NIBAN1: variants seen among roughly 807,000 people sequenced by gnomAD.
NIBAN1 encodes the protein niban apoptosis regulator 1, also known as protein Niban 1.
In NIBAN1, 81 loss-of-function variants were observed where a neutral mutation model predicts 75.1. The ratio of observed to expected loss-of-function variants is 1.08; its 90% confidence interval spans 0.90 to 1.30. NIBAN1 has a LOEUF of 1.30. Ranked by LOEUF, NIBAN1 falls within the 50% of genes most tolerant of loss-of-function variation. NIBAN1 has a pLI of 0.00. For synonymous variants in NIBAN1, 436 were observed against 424.8 expected (o/e 1.03, Z -0.32); for missense variants, 1,133 against 1,128.1 (o/e 1.00, Z -0.06).
intron 5 of NIBAN1, chr1:184,868,061 G>A: frequency 1.0e-6 from 1 of 985,422 alleles, no homozygotes; most frequent in Non-Finnish European, 1.2e-6. Flanking sequence ...CACCAGAAAG[G>A]AACTTGGCAG....
intron 5 of NIBAN1, 46 bp downstream of exon 5, chr1:184,884,587 C>T: frequency 1.2e-6 from 2 of 1,606,856 alleles, no homozygotes; most frequent in Non-Finnish European, 1.7e-6. Flanking sequence ...TCAGCGAGGG[C>T]TGCCCCACTT....
chr1:184,852,701 T>C (rs1350389302), intron 5 of NIBAN1, among the ~76,000 whole-genome samples: 2 of 152,226 alleles, frequency 1.3e-5, no homozygotes, highest in Non-Finnish European at 2.9e-5. Flanking sequence ...CTTTCCATGA[T>C]AGTAGTTCAA....
At chr1:184,897,458 C>T (rs990727209) in intron 2 of NIBAN1, among the ~76,000 whole-genome samples, 2 of 152,050 alleles carry the variant, frequency 1.3e-5, no homozygotes, top group Non-Finnish European at 2.9e-5. Flanking sequence ...TTTGCTGGAT[C>T]CTTCTCCTTT....
At position 184,890,168 on chromosome 1, in the gene NIBAN1, C is replaced by A; in HGVS notation, c.373G>T (p.Val125Leu). 2 of 1,613,960 alleles carry A rather than the reference C, an allele frequency of 1.2e-6. No homozygotes were observed. The highest frequency in any genetic ancestry group is 1.7e-6 in the Non-Finnish European group (2 of 1,179,894). Reference protein sequence around the residue: ...KCRILPAGGKVLTSEDEYNLL... With the variant: ...KCRILPAGGKLLTSEDEYNLL... ...TTATATTCATCTTCTGAGGTTAACA[C>A]CTTGCCACCGGCTGGAAGAATTCGA... The change falls in exon 4 of 14, where the codon GTG becomes TTG. Residue 125 changes from valine (V) to leucine (L), a missense_variant. Val to Leu is a conservative substitution (Grantham distance 32). Coordinates refer to ENST00000367511, the MANE Select transcript of NIBAN1 (RefSeq NM_052966.4).
intron 5 of NIBAN1, among the ~76,000 whole-genome samples, chr1:184,873,515 T>G (rs2102290984): frequency 6.6e-6 from 1 of 152,330 alleles, no homozygotes; most frequent in East Asian, 1.9e-4. Flanking sequence ...AGAATATTCT[T>G]ATCACCAGAG....
chr1:184,828,811 T>C (rs1479372200), intron 6 of NIBAN1, among the ~76,000 whole-genome samples: 1 of 19,586 alleles, frequency 5.1e-5, no homozygotes, highest in Non-Finnish European at 2.1e-4. Context: ...GCAAAACCAT[T>C]TTTTTTTTTT....
At chr1:184,827,960 G>GTTT (rs1047727839) in intron 6 of NIBAN1, among the ~76,000 whole-genome samples, 1 of 137,450 alleles carries the variant, frequency 7.3e-6, no homozygotes, top group African/African-American at 2.7e-5. Flanking sequence ...TTTGTTTTTT[G>GTTT]TTTTTTTTTT....
At chr1:184,960,065 A>G (rs537319272) in intron 1 of NIBAN1, among the ~76,000 whole-genome samples, 18 of 152,172 alleles carry the variant, frequency 1.2e-4, no homozygotes, top group African/African-American at 4.3e-4. Flanking sequence ...TTTGTACTCT[A>G]TTGTCTAAGC....
At chr1:184,888,913 T>C (rs1384856922) in intron 4 of NIBAN1, among the ~76,000 whole-genome samples, 2 of 152,262 alleles carry the variant, frequency 1.3e-5, no homozygotes. Context: ...AATAATTTGT[T>C]AATCTTAGTT....
intron 1 of NIBAN1, among the ~76,000 whole-genome samples, chr1:184,913,138 T>TATATATATATATATG (rs549833629): frequency 2.1e-4 from 17 of 82,756 alleles, no homozygotes; most frequent in African/African-American, 9.7e-4. Flanking sequence ...ATCATGCAGG[T>TATATATATATATATG]ATATATATAT....
chr1:184,842,681 A>G (rs957154320), intron 5 of NIBAN1, among the ~76,000 whole-genome samples: 1 of 132,258 alleles, frequency 7.6e-6, no homozygotes, highest in African/African-American at 2.9e-5. Flanking sequence ...TGAACCCGGG[A>G]GGCGGAGGTT....
intron 1 of NIBAN1, among the ~76,000 whole-genome samples, chr1:184,905,701 T>A (rs1657084218): frequency 6.6e-6 from 1 of 152,106 alleles, no homozygotes; most frequent in Admixed American, 6.6e-5. Flanking sequence ...AATCACACCT[T>A]CTTTGGCATT....
intron 5 of NIBAN1, among the ~76,000 whole-genome samples, chr1:184,852,703 G>A (rs1398150121): frequency 1.3e-5 from 2 of 152,188 alleles, no homozygotes; most frequent in Non-Finnish European, 2.9e-5. Context: ...TTCCATGATA[G>A]TAGTTCAACT....
At chr1:184,896,670 T>C (rs1266103844) in intron 2 of NIBAN1, among the ~76,000 whole-genome samples, 2 of 152,192 alleles carry the variant, frequency 1.3e-5, no homozygotes, top group Non-Finnish European at 1.5e-5. Flanking sequence ...ATTTCTATAG[T>C]TTCAGGACTT....
At chr1:184,867,907 C>T (rs1656000244) in intron 5 of NIBAN1, 1 of 985,412 alleles carries the variant, frequency 1.0e-6, no homozygotes, top group South Asian at 4.7e-5. Context: ...TACCCCGTCA[C>T]TTAAAGTGTC....
At chr1:184,866,199 G>A (rs1655952745) in intron 5 of NIBAN1, among the ~76,000 whole-genome samples, 1 of 152,160 alleles carries the variant, frequency 6.6e-6, no homozygotes, top group South Asian at 2.1e-4. Context: ...GACATGATGT[G>A]ATTAGAACTG....
chr1:184,833,048 T>C (rs1007413140), intron 5 of NIBAN1, among the ~76,000 whole-genome samples: 4 of 151,902 alleles, frequency 2.6e-5, no homozygotes, highest in Non-Finnish European at 5.9e-5. Flanking sequence ...TCTCCTCCTA[T>C]AAGGCACAAA....
rs557573383 is a variant in NIBAN1, at chr1:184,926,427, G to A, written c.56-27118C>T. On this transcript the variant is annotated intron_variant, in intron 1 of 13. Coordinates refer to ENST00000367511, the MANE Select transcript of NIBAN1 (RefSeq NM_052966.4). ...TAATTTTTGTGTGTTTCGTAGAGAC[G>A]GGGCTTCACCATGTTGGCCAGGCTG... 8.5e-4 allele frequency among the ~76,000 whole-genome samples: 130 copies of A among 152,160 alleles called. 4 individuals carry two copies. In the South Asian group the frequency reaches 0.011, roughly 13 times the overall value.
intron 1 of NIBAN1, among the ~76,000 whole-genome samples, chr1:184,952,096 T>C (rs1385326182): frequency 6.6e-6 from 1 of 152,210 alleles, no homozygotes; most frequent in Admixed American, 6.5e-5. Flanking sequence ...CAATGAATGC[T>C]TCATTATTAT....
Sources: gnomAD v4.1 joint callset for allele counts (sites outside exome capture counted in the v4.1 genomes callset) on GRCh38, gnomAD v4.1.1 for gene constraint, MANE v1.5 for transcripts, NCBI Gene and HGNC (gene_info 2026-07-23, HGNC 2026-07-21) for gene names.